KIF13B: variants seen among roughly 807,000 people sequenced by gnomAD.
KIF13B encodes kinesin family member 13B.
Under a neutral mutation model 222.0 loss-of-function variants are expected in KIF13B, and 127 were observed. The ratio of observed to expected loss-of-function variants is 0.57; its 90% CI spans 0.50 to 0.66. KIF13B has a LOEUF of 0.66. Among genes scored for constraint, KIF13B ranks in the 30% least tolerant of loss-of-function variants. KIF13B has a pLI of 0.00. For missense variants in KIF13B, 2,173 were observed against 2,379.0 expected, an observed-to-expected ratio of 0.91 and a Z score of 1.80; for synonymous variants, 976 against 919.0, an observed-to-expected ratio of 1.06 and a Z score of -1.12.
chr8:29,110,122 C>A, intron 32 of KIF13B, 52 bp from the exon 33 acceptor site: 1 of 1,441,004 alleles, frequency 6.9e-7, no homozygotes, highest in Non-Finnish European at 9.5e-7. Flanking sequence ...TACACACACA[C>A]ACGTACACGC....
At chr8:29,206,291 TA>T (rs149615379) in intron 2 of KIF13B, among the ~76,000 whole-genome samples, 1,788 of 152,254 alleles carry the variant, frequency 0.012, 16 homozygotes, top group Non-Finnish European at 0.017. Context: ...ACAAAAGGCA[TA>T]CTTGAAGTGC....
intron 2 of KIF13B, among the ~76,000 whole-genome samples, chr8:29,199,769 A>T (rs1187735245): frequency 6.6e-6 from 1 of 152,110 alleles, no homozygotes; most frequent in Non-Finnish European, 1.5e-5. Context: ...ATCACACATT[A>T]ACCACTGCTC....
At chr8:29,114,526 T>G (rs1209424374) in intron 31 of KIF13B, among the ~76,000 whole-genome samples, 1 of 152,206 alleles carries the variant, frequency 6.6e-6, no homozygotes, top group Non-Finnish European at 1.5e-5. Flanking sequence ...GAGATGTAGA[T>G]GCTACTATTA....
intron 2 of KIF13B, among the ~76,000 whole-genome samples, chr8:29,204,534 T>TC (rs1378990666): frequency 1.9e-4 from 29 of 152,290 alleles, no homozygotes; most frequent in African/African-American, 6.7e-4. Context: ...AAGACCCCCA[T>TC]CTCTATAAAA....
chr8:29,165,836 C>A (rs947056715), intron 11 of KIF13B, 64 bp from the exon 12 acceptor site: 1 of 1,133,912 alleles, frequency 8.8e-7, no homozygotes, highest in Non-Finnish European at 1.3e-6. Flanking sequence ...AAGTGGCCAA[C>A]TCTAAAAGGA....
chr8:29,120,269 G>A (rs1380544543), intron 29 of KIF13B, among the ~76,000 whole-genome samples: 2 of 116,598 alleles, frequency 1.7e-5, no homozygotes, highest in Non-Finnish European at 3.5e-5. Context: ...ATGCTGGTGC[G>A]CTGCACCCAC....
chr8:29,080,743 G>A (rs146665181), intron 37 of KIF13B, among the ~76,000 whole-genome samples: 177 of 152,230 alleles, frequency 1.2e-3, no homozygotes, highest in African/African-American at 4.1e-3. Context: ...TTCTCTAAGC[G>A]GTGTCACCAG....
chr8:29,071,566 C>T lies in KIF13B; in HGVS notation c.5218+54G>A. 2 of 1,481,938 alleles carry T rather than the reference C, an allele frequency of 1.3e-6. No individual in the cohort carries two copies. The highest frequency in any genetic ancestry group is 1.8e-6 in the Non-Finnish European group (2 of 1,094,838). 91.8% of individuals were successfully genotyped at this position (1,481,938 alleles called of 1,614,324 possible). On this transcript the variant is annotated intron_variant, in intron 39 of 39. Coordinates refer to ENST00000524189, the MANE Select transcript of KIF13B (RefSeq NM_015254.4). This position sits in a 1 kb window ranked among gnomAD's most constrained non-coding sequence, Gnocchi z 4.9. ...GTCCCCTCCCAGGCCGGCCACGTTC[C>T]TGCTTCCCCAGACCCCCGGCACCAC...
At chr8:29,084,677 T>C (rs1346448620) in intron 37 of KIF13B, among the ~76,000 whole-genome samples, 1 of 152,238 alleles carries the variant, frequency 6.6e-6, no homozygotes, top group African/African-American at 2.4e-5. Flanking sequence ...GTTCCTAACT[T>C]TGAAGTACAT....
At chr8:29,090,845 T>G (rs2133542638) in intron 37 of KIF13B, among the ~76,000 whole-genome samples, 1 of 152,246 alleles carries the variant, frequency 6.6e-6, no homozygotes, top group Admixed American at 6.5e-5. Context: ...ATTCTAATTC[T>G]CATAGCCTCC....
At chr8:29,155,910 T>G (rs913678070) in intron 13 of KIF13B, 54 bp from the exon 14 acceptor site, 49 of 1,380,500 alleles carry the variant, frequency 3.5e-5, no homozygotes, top group Non-Finnish European at 4.7e-5. Flanking sequence ...TATACACAAT[T>G]GAAATCATTT....
In KIF13B at chr8:29,072,169, G is replaced by C; in HGVS notation, c.4669C>G (p.Pro1557Ala). 5 of 1,429,680 alleles carry C rather than the reference G, an allele frequency of 3.5e-6. No individual in the cohort carries two copies. The highest frequency in any genetic ancestry group is 4.6e-6 in the Non-Finnish European group (5 of 1,091,740). The allele number at this position is 1,429,680 out of a possible 1,614,324, so 88.6% of individuals were successfully genotyped here. The stretch of plus-strand genomic sequence containing the variant: ...GAGGCTTCACTCAGGGGGCTGGGGG[G>C]CCCGTCCTGTGCCTCCGGAGCCGGG... ...VTPAPEAQDG[P>A]PSPLSEASSG... Residue 1557 changes from proline (P) to alanine (A), a missense_variant, in exon 39 of 40, where the codon CCC (proline) becomes GCC (alanine). Pro to Ala is a conservative substitution (Grantham distance 27). Around this residue, in one of 2 missense-constraint regions of KIF13B, gnomAD observed 693 missense variants for 656.2 expected, o/e 1.06. Transcript: ENST00000524189.
Position 29,130,472 on chromosome 8 carries a change from A to C in KIF13B, c.3075+61T>G, listed in dbSNP as rs1810295436. 3.3e-6 allele frequency: 5 copies of C among 1,532,094 alleles called. No homozygotes were observed. The Admixed American group carries it at 7.1e-5, about 22-fold the overall frequency. 94.9% of individuals were successfully genotyped at this position (1,532,094 alleles called of 1,614,324 possible). On this transcript the variant is annotated intron_variant, in intron 24 of 39. Transcript: ENST00000524189. ...TATTGCCAACATTTCCACTAAAAAG[A>C]AGCCAATATTAAGCTTTCTGGCACC...
At chr8:29,228,983 T>A (rs1815163441) in intron 2 of KIF13B, among the ~76,000 whole-genome samples, 1 of 149,084 alleles carries the variant, frequency 6.7e-6, no homozygotes, top group South Asian at 2.1e-4. Context: ...AGGGTCAACA[T>A]CCTGATAAAC....
At chr8:29,182,211 C>T (rs1179415918) in intron 6 of KIF13B, among the ~76,000 whole-genome samples, 5 of 152,186 alleles carry the variant, frequency 3.3e-5, no homozygotes, top group Admixed American at 6.5e-5. Context: ...TATCACATCA[C>T]TCAAAAGGGT....
intron 10 of KIF13B, among the ~76,000 whole-genome samples, chr8:29,170,724 T>TA (rs1173332339): frequency 6.6e-6 from 1 of 151,834 alleles, no homozygotes; most frequent in African/African-American, 2.4e-5. Context: ...AGATGAACAA[T>TA]AAAAAAAGTA....
At chr8:29,172,082 CTTTT>C (rs35655869) in intron 10 of KIF13B, among the ~76,000 whole-genome samples, 1 of 113,276 alleles carries the variant, frequency 8.8e-6, no homozygotes, top group Non-Finnish European at 1.7e-5. Context: ...ATTTTCTTTT[CTTTT>C]TTTTTTTTTT....
intron 5 of KIF13B, among the ~76,000 whole-genome samples, chr8:29,187,742 C>A (rs1489399477): frequency 6.6e-6 from 1 of 152,158 alleles, no homozygotes; most frequent in Non-Finnish European, 1.5e-5. Context: ...TGTCATGCAA[C>A]ATTTTATTGT....
intron 2 of KIF13B, among the ~76,000 whole-genome samples, chr8:29,235,807 G>A (rs367626378): frequency 1.3e-5 from 2 of 152,146 alleles, no homozygotes; most frequent in African/African-American, 4.8e-5. Context: ...GTCTGGTGAC[G>A]GTGAGTTCCA....
Sources: gnomAD v4.1 joint callset for allele counts (sites outside exome capture counted in the v4.1 genomes callset) on GRCh38, gnomAD v4.1.1 for gene constraint, gnomAD v4.1.1 regional missense constraint, Gnocchi (gnomAD v3.1) non-coding constraint, MANE v1.5 for transcripts, NCBI Gene and HGNC (gene_info 2026-07-23, HGNC 2026-07-21) for gene names.